The following TDRD10 variants were observed in gnomAD, a reference collection of about 807,000 sequenced individuals.
TDRD10 encodes the protein tudor domain containing 10, also known as tudor domain-containing protein 10.
TDRD10 carries 40 observed loss-of-function variants against 48.0 expected under a neutral mutation model. The ratio of observed to expected loss-of-function variants is 0.83; its 90% CI spans 0.65 to 1.09. The LOEUF is 1.09. Among genes scored for constraint, TDRD10 ranks in the 50% least tolerant of loss-of-function variants. TDRD10 has a pLI of 0.00. For missense variants in TDRD10, 378 were observed against 434.7 expected (o/e 0.87, Z 1.16); for synonymous variants, 162 against 170.4 (o/e 0.95, Z 0.38).
intron 4 of TDRD10, chr1:154,509,906 C>T: frequency 1.0e-6 from 1 of 978,560 alleles, no homozygotes; most frequent in Non-Finnish European, 1.2e-6. Flanking sequence ...CTCTCTCTTC[C>T]CCCCTCCCCA....
chr1:154,506,840 C>T, intron 1 of TDRD10, 37 bp from the exon 2 acceptor site: 2 of 1,575,790 alleles, frequency 1.3e-6, no homozygotes, highest in Non-Finnish European at 1.7e-6. Flanking sequence ...GTGAACTATC[C>T]TGGCATTCCT....
chr1:154,537,597 G>A (rs1694988523), intron 6 of TDRD10, among the ~76,000 whole-genome samples: 2 of 152,286 alleles, frequency 1.3e-5, no homozygotes, highest in South Asian at 2.1e-4. Context: ...TTGTGGCAGC[G>A]AGCAGACTTG....
intron 6 of TDRD10, among the ~76,000 whole-genome samples, chr1:154,534,066 A>G (rs1246018114): frequency 1.3e-5 from 2 of 152,078 alleles, no homozygotes; most frequent in African/African-American, 4.8e-5. Context: ...AGAATATTTC[A>G]TGACACATGA....
intron 6 of TDRD10, among the ~76,000 whole-genome samples, chr1:154,532,240 G>A (rs972338988): frequency 4.6e-5 from 7 of 152,222 alleles, no homozygotes; most frequent in African/African-American, 1.2e-4. Context: ...CCTGCCCTGC[G>A]GGGAGGCAGC....
At chr1:154,535,523 AC>A (rs1410689191) in intron 6 of TDRD10, among the ~76,000 whole-genome samples, 1 of 152,038 alleles carries the variant, frequency 6.6e-6, no homozygotes, top group East Asian at 1.9e-4. Flanking sequence ...AACCCTGTCG[AC>A]AAAAAATGTG....
chr1:154,544,065 T>C lies in TDRD10; in HGVS notation c.606T>C (p.Ser202=). ...VRGEAGLLVT[S]IVPKTPFFWA... Reference sequence around the variant, plus strand: ...GGGAGGCGGGGCTGCTGGTGACGAGTATCGTCCCGAAGACCCCGTTTTTCT... The same window carrying C: ...GGGAGGCGGGGCTGCTGGTGACGAGCATCGTCCCGAAGACCCCGTTTTTCT... Residue 202 remains serine (S), a synonymous_variant, in exon 9 of 13, where the codon AGT becomes AGC. Transcript: ENST00000368482. The C allele has an allele frequency of 6.2e-7, 1 of 1,614,060 alleles. No individual in the cohort carries two copies. The highest frequency in any genetic ancestry group is 1.3e-5 in the African/African-American group (1 of 75,000).
intron 4 of TDRD10, among the ~76,000 whole-genome samples, chr1:154,515,656 C>T (rs572671409): frequency 2.9e-4 from 44 of 152,314 alleles, no homozygotes; most frequent in Middle Eastern, 3.4e-3. Flanking sequence ...TCCTGTCCTT[C>T]CTGCTCTGTG....
intron 11 of TDRD10, 146 bp downstream of exon 11, chr1:154,545,095 C>G (rs551229256): frequency 9.1e-7 from 1 of 1,102,938 alleles, no homozygotes; most frequent in African/African-American, 1.6e-5. Context: ...CAGCATATGA[C>G]CCCTGCAAAG....
rs1172936764 is a variant in TDRD10, at chr1:154,506,099, C to T, written c.-27-778C>T. 2.0e-5 allele frequency among the ~76,000 whole-genome samples: 3 copies of T among 152,210 alleles called. 1 individual carries two copies. Among genetic ancestry groups the T allele is most frequent in the African/African-American group, 7.2e-5 (3 of 41,444 alleles). On this transcript the variant is annotated intron_variant, in intron 1 of 12. Coordinates refer to ENST00000368482, the MANE Select transcript of TDRD10 (RefSeq NM_182499.4). ...TTCGATTTGCTTTCATAACAAAATA[C>T]TACAACCTTAGTGGGTTAAACAACG...
In TDRD10 at chr1:154,544,865, A is replaced by G. The variant is rs1245257946; in HGVS notation, c.868A>G (p.Ile290Val). 1.2e-6 allele frequency: 2 copies of G among 1,614,200 alleles called. No individual in the cohort carries two copies. Among genetic ancestry groups the G allele is most frequent in the Non-Finnish European group, 1.7e-6 (2 of 1,180,042 alleles). Residue 290 changes from isoleucine (I) to valine (V), a missense_variant, in exon 11 of 13, where the codon ATC becomes GTC. By Grantham distance (29) the Ile-to-Val change is conservative. Coordinates refer to ENST00000368482, the MANE Select transcript of TDRD10 (RefSeq NM_182499.4). ...CATTGATTTTGGACAGTTGGCCACC[A>G]TCCCTGTGCAGTCTCTGCGCAGCCT... ...MFIDFGQLATIPVQSLRSLDS... is the reference protein window; with the variant it reads ...MFIDFGQLATVPVQSLRSLDS...
chr1:154,505,070 A>T (rs555476688), intron 1 of TDRD10, among the ~76,000 whole-genome samples: 1 of 152,360 alleles, frequency 6.6e-6, no homozygotes, highest in East Asian at 1.9e-4. Flanking sequence ...GAAACTCAGG[A>T]CTTTGGAATC....
rs1695392239 is a variant in TDRD10, at chr1:154,543,875, C to T, written c.504-88C>T. 8 of 1,562,556 alleles carry T rather than the reference C, an allele frequency of 5.1e-6. No homozygotes were observed. In the South Asian group the frequency reaches 6.0e-5, roughly 12 times the overall value. ...GGACTCATCCCCCAGGCAGTTCAGCCTCCTGCAGGACAGGCGTTGGTCCAG... is the reference window on the plus strand; with the variant it reads ...GGACTCATCCCCCAGGCAGTTCAGCTTCCTGCAGGACAGGCGTTGGTCCAG... On this transcript the variant is annotated intron_variant, in intron 8 of 12. Transcript: ENST00000368482.
chr1:154,523,378 C>T (rs1694156500), intron 6 of TDRD10, among the ~76,000 whole-genome samples: 1 of 152,216 alleles, frequency 6.6e-6, no homozygotes, highest in Non-Finnish European at 1.5e-5. Flanking sequence ...CAAGCTTTAA[C>T]AAGCATCAGA....
chr1:154,509,895 C>T (rs1693352802), intron 4 of TDRD10: 3 of 983,228 alleles, frequency 3.1e-6, no homozygotes, highest in Non-Finnish European at 3.6e-6. Flanking sequence ...AGTTCTGCCA[C>T]CTCTCTCTTC....
At chr1:154,528,449 C>T (rs1302368066) in intron 6 of TDRD10, among the ~76,000 whole-genome samples, 1 of 151,892 alleles carries the variant, frequency 6.6e-6, no homozygotes, top group East Asian at 1.9e-4. Flanking sequence ...TGGTCTAGAA[C>T]TCCTGACCTC....
At chr1:154,547,525 C>T in intron 12 of TDRD10, 46 bp downstream of exon 12, 1 of 1,614,220 alleles carries the variant, frequency 6.2e-7, no homozygotes, top group Non-Finnish European at 8.5e-7. Flanking sequence ...TCCACTCCTG[C>T]CCTTGGGGTG....
intron 6 of TDRD10, among the ~76,000 whole-genome samples, chr1:154,534,817 C>T (rs997810916): frequency 9.2e-5 from 14 of 151,606 alleles, no homozygotes; most frequent in Non-Finnish European, 1.6e-4. Context: ...GCTTACGTGG[C>T]ACAACACGCA....
At chr1:154,529,487 G>T (rs776002456) in intron 6 of TDRD10, among the ~76,000 whole-genome samples, 3 of 151,702 alleles carry the variant, frequency 2.0e-5, no homozygotes, top group Non-Finnish European at 2.9e-5. Context: ...AAAAGTAATA[G>T]CAGAAACCGC....
Position 154,543,963 on chromosome 1 carries a change from A to T in TDRD10, c.504A>T (p.Arg168Ser), listed in dbSNP as rs1293327411. The change falls in exon 9 of 13, where the codon AGA becomes AGT. Residue 168 changes from arginine (R) to serine (S), a missense_variant and splice_region_variant. Arg to Ser is a moderately radical substitution (Grantham distance 110). This residue lies in a region of TDRD10 where 310 missense variants were observed against 323.6 expected (regional missense o/e 0.96). Transcript: ENST00000368482. ...CTTGCTCCCCTTGCTCTTCCCGCAG[A>T]GGGTCCTTCCTGGTGCTGCTCCTGA... Reference protein sequence around the residue: ...AAFFAVPLEMRGSFLVLLLRE... With the variant: ...AAFFAVPLEMSGSFLVLLLRE... 1.2e-6 allele frequency: 2 copies of T among 1,613,644 alleles called. No individual in the cohort carries two copies. The highest frequency in any genetic ancestry group is 8.5e-7 in the Non-Finnish European group (1 of 1,179,888).
Sources: allele counts gnomAD v4.1 joint callset (sites outside exome capture counted in the v4.1 genomes callset), GRCh38; gene constraint gnomAD v4.1.1; regional missense constraint gnomAD v4.1.1; transcripts MANE v1.5; gene names NCBI Gene and HGNC (gene_info 2026-07-23, HGNC 2026-07-21).